The following CTNNA2 variants were observed in gnomAD, a reference collection of about 807,000 sequenced individuals.
The protein encoded by CTNNA2 is catenin alpha-2.
In CTNNA2, 42 loss-of-function variants were observed where a neutral mutation model predicts 101.0. The observed-to-expected ratio is 0.42, with a 90% CI of 0.32 to 0.54. CTNNA2 has a LOEUF of 0.54. Among genes scored for constraint, CTNNA2 ranks in the 20% least tolerant of loss-of-function variants. The pLI is 0.14. For synonymous variants in CTNNA2, 450 were observed against 456.4 expected, an observed-to-expected ratio of 0.99 and a Z score of 0.18; for missense variants, 871 against 1,223.1, an observed-to-expected ratio of 0.71 and a Z score of 4.29.
chr2:80,221,827 C>T (rs899738910), intron 7 of CTNNA2, among the ~76,000 whole-genome samples: 7 of 152,200 alleles, frequency 4.6e-5, no homozygotes, highest in Non-Finnish European at 1.0e-4. Context: ...AAAATGTGTG[C>T]AAGACAGATC....
intron 7 of CTNNA2, among the ~76,000 whole-genome samples, chr2:80,028,558 A>G (rs1695086970): frequency 6.6e-6 from 1 of 152,228 alleles, no homozygotes; most frequent in Non-Finnish European, 1.5e-5. Context: ...GGCCCCTCAA[A>G]TATGCCCACA....
At chr2:79,377,683 CAA>C (rs999001608) in intron 4 of CTNNA2, among the ~76,000 whole-genome samples, 13 of 152,224 alleles carry the variant, frequency 8.5e-5, no homozygotes, top group African/African-American at 3.1e-4. Flanking sequence ...CATTCCATTA[CAA>C]AAGAGTTGGG....
At chr2:79,499,930 G>C (rs910915259) in intron 4 of CTNNA2, among the ~76,000 whole-genome samples, 1 of 152,222 alleles carries the variant, frequency 6.6e-6, no homozygotes, top group Non-Finnish European at 1.5e-5. Flanking sequence ...GCAGCCTGGA[G>C]ACCCAGGACA....
chr2:80,123,271 A>G (rs537264299), intron 7 of CTNNA2, among the ~76,000 whole-genome samples: 1 of 152,228 alleles, frequency 6.6e-6, no homozygotes, highest in Non-Finnish European at 1.5e-5. Context: ...TCGTCCTTAC[A>G]CCCTTCCTGA....
chr2:79,308,221 T>C (rs1312101693), intron 2 of CTNNA2, among the ~76,000 whole-genome samples: 1 of 152,098 alleles, frequency 6.6e-6, no homozygotes, highest in Non-Finnish European at 1.5e-5. Flanking sequence ...ATTTTTTCTA[T>C]TTTCTGCAGA....
chr2:79,721,750 G>T (rs1489275107), intron 2 of CTNNA2, among the ~76,000 whole-genome samples: 1 of 152,076 alleles, frequency 6.6e-6, no homozygotes, highest in South Asian at 2.1e-4. Context: ...GAATATGTTC[G>T]AATTTGGTTC....
intron 4 of CTNNA2, among the ~76,000 whole-genome samples, chr2:79,465,290 T>C (rs1670920764): frequency 6.6e-6 from 1 of 152,282 alleles, no homozygotes; most frequent in African/African-American, 2.4e-5. Flanking sequence ...GATCAGATGG[T>C]TGTAGATGTG....
chr2:80,024,088 G>GAAAAAAA (rs1158051768), intron 7 of CTNNA2, among the ~76,000 whole-genome samples: 1 of 54,728 alleles, frequency 1.8e-5, no homozygotes, highest in East Asian at 2.9e-4. Flanking sequence ...CTCCGTCTCA[G>GAAAAAAA]AAAAAAAAAA....
At chr2:79,938,136 C>G (rs913760590) in intron 7 of CTNNA2, among the ~76,000 whole-genome samples, 7 of 152,208 alleles carry the variant, frequency 4.6e-5, no homozygotes, top group Admixed American at 1.3e-4. Flanking sequence ...CTGCTCCCAT[C>G]TCCCAACCAA....
chr2:80,083,965 T>C (rs1007327401), intron 7 of CTNNA2, among the ~76,000 whole-genome samples: 13 of 152,068 alleles, frequency 8.5e-5, no homozygotes, highest in African/African-American at 3.1e-4. Flanking sequence ...AGGTAATGTA[T>C]CTTGATGAGA....
chr2:79,870,019 A>G (rs959662311), intron 5 of CTNNA2, 84 bp downstream of exon 5: 2 of 1,494,776 alleles, frequency 1.3e-6, no homozygotes, highest in Non-Finnish European at 1.8e-6. Flanking sequence ...ACAATGGATC[A>G]ACTGCATCTG....
At chr2:79,868,993 G>C (rs760855246) in intron 4 of CTNNA2, among the ~76,000 whole-genome samples, 1 of 152,158 alleles carries the variant, frequency 6.6e-6, no homozygotes. Context: ...TAACTTAAAG[G>C]TTTACCAATT....
intron 2 of CTNNA2, among the ~76,000 whole-genome samples, chr2:79,209,715 G>T (rs1367870323): frequency 2.2e-5 from 1 of 45,836 alleles, no homozygotes; most frequent in African/African-American, 2.3e-4. Flanking sequence ...AATTAAAAGA[G>T]CTTATCTATC....
Position 79,861,573 on chromosome 2 carries a change from C to A in CTNNA2, c.465+3394C>A, listed in dbSNP as rs1018688528. Among the ~76,000 whole-genome samples the A allele has an allele frequency of 2.0e-5, 3 of 152,244 alleles. No homozygotes were observed. The East Asian group carries it at 5.8e-4, about 29-fold the overall frequency. Reference sequence around the variant, plus strand: ...TGTTTAGGAACTTAAATTTATATGGCAACTGAGAAGTTCTTCTCAGATAAC... The same window carrying A: ...TGTTTAGGAACTTAAATTTATATGGAAACTGAGAAGTTCTTCTCAGATAAC... On this transcript the variant is annotated intron_variant, in intron 4 of 18. Coordinates refer to ENST00000402739, the MANE Select transcript of CTNNA2 (RefSeq NM_001282597.3).
At chr2:80,592,445 G>C (rs867575996) in intron 15 of CTNNA2, among the ~76,000 whole-genome samples, 2 of 151,972 alleles carry the variant, frequency 1.3e-5, no homozygotes, top group Admixed American at 6.6e-5. Flanking sequence ...TGACCTTTAG[G>C]CTTCTGTCCT....
At chr2:79,854,993 A>G (rs997818892) in intron 3 of CTNNA2, among the ~76,000 whole-genome samples, 1 of 152,206 alleles carries the variant, frequency 6.6e-6, no homozygotes, top group African/African-American at 2.4e-5. Context: ...ACTAAGACCT[A>G]TTAAAATTAT....
chr2:79,195,722 A>C, intron 1 of CTNNA2: 1 of 438,348 alleles, frequency 2.3e-6, no homozygotes, highest in Non-Finnish European at 4.5e-6. Flanking sequence ...CACATACCTG[A>C]GTGAGACACA....
intron 2 of CTNNA2, among the ~76,000 whole-genome samples, chr2:79,655,935 A>G (rs1279855827): frequency 2.6e-5 from 4 of 152,162 alleles, no homozygotes; most frequent in African/African-American, 9.6e-5. Flanking sequence ...CAAATTAAGG[A>G]CAGTGAAGTG....
chr2:80,369,726 G>GA (rs1675275290), intron 7 of CTNNA2, among the ~76,000 whole-genome samples: 1 of 152,132 alleles, frequency 6.6e-6, no homozygotes, highest in Non-Finnish European at 1.5e-5. Context: ...TTCAAAGGTA[G>GA]AAAATCTTTC....
Sources: gnomAD v4.1 joint callset for allele counts (sites outside exome capture counted in the v4.1 genomes callset) on GRCh38, gnomAD v4.1.1 for gene constraint, MANE v1.5 for transcripts, NCBI Gene and HGNC (gene_info 2026-07-23, HGNC 2026-07-21) for gene names.